Variants in PDE6C observed in about 807,000 individuals in gnomAD.
The protein encoded by PDE6C is phosphodiesterase 6C, also known as cone cGMP-specific 3',5'-cyclic phosphodiesterase subunit alpha'.
Under a neutral mutation model 113.1 loss-of-function variants are expected in PDE6C, and 75 were observed. That is an observed-to-expected ratio of 0.66 (90% CI 0.55 to 0.80). The LOEUF (loss-of-function observed/expected upper bound fraction) is 0.80. PDE6C is among the 30% of genes least tolerant of loss of function. The probability of loss-of-function intolerance (pLI) is 0.00; values close to 1 mark genes in which losing one functional copy is unlikely to be tolerated. For missense variants in PDE6C, 912 were observed against 1,038.6 expected (o/e 0.88, Z 1.67); for synonymous variants, 375 against 363.7 (o/e 1.03, Z -0.35).
At chr10:93,622,639 G>GTTTTTTTTTTTTTTTTTTTT (rs67350128) in intron 4 of PDE6C, among the ~76,000 whole-genome samples, 10 of 113,988 alleles carry the variant, frequency 8.8e-5, no homozygotes, top group African/African-American at 3.0e-4. Context: ...GTAGCCACAG[G>GTTTTTTTTTTTTTTTTTTTT]TTTTTTTTTT....
In PDE6C at chr10:93,620,593, T is replaced by C. The variant is rs778379104; in HGVS notation, c.481-39T>C. 3.1e-6 allele frequency: 5 copies of C among 1,609,650 alleles called. No homozygotes were observed. In the East Asian group the frequency reaches 6.7e-5, roughly 22 times the overall value. Reference sequence around the variant, plus strand: ...ATCCCTAGATCTACCACTCTATGATTTTGTGCCACTTTGACAAATATGTGA... The same window carrying C: ...ATCCCTAGATCTACCACTCTATGATCTTGTGCCACTTTGACAAATATGTGA... On this transcript the variant is annotated intron_variant, in intron 1 of 21. Coordinates refer to ENST00000371447, the MANE Select transcript of PDE6C (RefSeq NM_006204.4).
intron 16 of PDE6C, among the ~76,000 whole-genome samples, chr10:93,657,998 G>C (rs1048594343): frequency 1.3e-5 from 2 of 151,538 alleles, no homozygotes; most frequent in Admixed American, 1.3e-4. Context: ...TAGCAAGACT[G>C]TCTCTACAAA....
At chr10:93,664,587 T>C (rs1378814575) in intron 21 of PDE6C, among the ~76,000 whole-genome samples, 1 of 152,230 alleles carries the variant, frequency 6.6e-6, no homozygotes, top group Non-Finnish European at 1.5e-5. Context: ...AGGGTATTTC[T>C]TAGTACTATT....
chr10:93,623,285 AT>A lies in PDE6C; in HGVS notation c.864+1219del, dbSNP rs2058457424. On this transcript the variant is annotated intron_variant, in intron 4 of 21. Coordinates refer to ENST00000371447, the MANE Select transcript of PDE6C (RefSeq NM_006204.4). ...TCTTCTTAGAGAGATAGCTGCTCAG[AT>A]TTTTTGCCCACATTTTTTTATGTTG... Among the ~76,000 whole-genome samples the A allele has an allele frequency of 5.3e-5, 8 of 152,260 alleles. No individual in the cohort carries two copies. In the South Asian group the frequency reaches 1.7e-3, roughly 32 times the overall value.
Position 93,633,490 on chromosome 10 carries a change from AT to A in PDE6C, c.1120-1267del, listed in dbSNP as rs1453666860. On this transcript the variant is annotated intron_variant, in intron 8 of 21. Transcript: ENST00000371447. ...CAAAAAAAAAAAAAAATAAAAAAAA[AT>A]AAACAAGCTAAAACAAATCTGTTAC... 3.5e-4 allele frequency among the ~76,000 whole-genome samples: 45 copies of A among 129,346 alleles called. 1 individual carries two copies. The highest frequency in any genetic ancestry group is 8.7e-4 in the Admixed American group (10 of 11,542). 84.9% of individuals were successfully genotyped at this position (129,346 alleles called of 152,430 possible).
In PDE6C at chr10:93,629,985, C is replaced by T. The variant is rs573214912; in HGVS notation, c.1119+680C>T. 2.0e-5 allele frequency among the ~76,000 whole-genome samples: 3 copies of T among 152,258 alleles called. No homozygotes were observed. The East Asian group carries it at 5.8e-4, about 29-fold the overall frequency. ...AACAGTTCCTGACACAGCATTCATG[C>T]TCAATAAACGTTCTCTGCATGCATG... On this transcript the variant is annotated intron_variant, in intron 8 of 21. Transcript: ENST00000371447.
At chr10:93,628,339 C>T (rs192955304) in intron 7 of PDE6C, among the ~76,000 whole-genome samples, 1 of 152,000 alleles carries the variant, frequency 6.6e-6, no homozygotes, top group African/African-American at 2.4e-5. Flanking sequence ...AATCGTAGCA[C>T]TTTGGGAGGC....
In PDE6C at chr10:93,620,716, G is replaced by C; in HGVS notation, c.565G>C (p.Glu189Gln). ...LLATPIVVGK[E>Q]VLAVIMAVNK... ...GGCAACCCCGATCGTGGTGGGCAAG[G>C]AGGTTCTTGCTGTGATCATGGCAGT... Residue 189 changes from glutamate to glutamine, a missense_variant, in exon 2 of 22, where the codon GAG becomes CAG. Transcript: ENST00000371447. The C allele has an allele frequency of 6.2e-7, 1 of 1,614,108 alleles. No homozygotes were observed. The highest frequency in any genetic ancestry group is 8.5e-7 in the Non-Finnish European group (1 of 1,179,964).
At chr10:93,641,397 G>A (rs1358882581) in intron 14 of PDE6C, among the ~76,000 whole-genome samples, 1 of 152,078 alleles carries the variant, frequency 6.6e-6, no homozygotes, top group Non-Finnish European at 1.5e-5. Flanking sequence ...CTTTGGGAGA[G>A]TGAGGCGGGC....
chr10:93,617,190 T>C (rs924363290), intron 1 of PDE6C, among the ~76,000 whole-genome samples: 4 of 152,168 alleles, frequency 2.6e-5, no homozygotes, highest in Non-Finnish European at 5.9e-5. Flanking sequence ...CTTCAAGGGC[T>C]TCTCTGAAGA....
chr10:93,662,002 A>G, intron 18 of PDE6C, 57 bp from the exon 19 acceptor site: 1 of 1,049,830 alleles, frequency 9.5e-7, no homozygotes, highest in South Asian at 1.3e-5. Context: ...GTACTAATAA[A>G]ATGCAAGTTC....
chr10:93,662,021 T>C, intron 18 of PDE6C, 38 bp from the exon 19 acceptor site: 1 of 1,263,544 alleles, frequency 7.9e-7, no homozygotes, highest in Non-Finnish European at 1.2e-6. Context: ...TCTCTATTCA[T>C]AAGTGGATTT....
At chr10:93,645,852 T>C (rs1564802681) in intron 14 of PDE6C, 108 bp from the exon 15 acceptor site, 3 of 726,184 alleles carry the variant, frequency 4.1e-6, no homozygotes, top group Non-Finnish European at 7.6e-6. Context: ...ACTTCACAGA[T>C]AATTGAGTGA....
In PDE6C at chr10:93,662,114, T is replaced by C; in HGVS notation, c.2264T>C (p.Val755Ala). 6.2e-7 allele frequency: 1 copy of C among 1,606,596 alleles called. No homozygotes were observed. Among genetic ancestry groups the C allele is most frequent in the East Asian group, 2.2e-5 (1 of 44,810 alleles). The change falls in exon 19 of 22, where the codon GTG becomes GCG. Residue 755 changes from valine (V) to alanine (A), a missense_variant. Coordinates refer to ENST00000371447, the MANE Select transcript of PDE6C (RefSeq NM_006204.4). ...GAACAAGGAGATCTGGAGAGAACAGTGTTGCAGCAACAACCCATTGTAAGA... is the reference window on the plus strand; with the variant it reads ...GAACAAGGAGATCTGGAGAGAACAGCGTTGCAGCAACAACCCATTGTAAGA... ...FWEQGDLERT[V>A]LQQQPIPMMD...
chr10:93,654,799 TTTC>T (rs2058627675), intron 15 of PDE6C, among the ~76,000 whole-genome samples: 1 of 87,908 alleles, frequency 1.1e-5, no homozygotes, highest in Non-Finnish European at 2.5e-5. Context: ...TCTTTCTTTC[TTTC>T]TTTCTTTCTT....
intron 18 of PDE6C, among the ~76,000 whole-genome samples, chr10:93,660,350 A>G (rs891472244): frequency 6.6e-6 from 1 of 152,198 alleles, no homozygotes; most frequent in Non-Finnish European, 1.5e-5. Context: ...ATAGTCATGG[A>G]GAAATAGAAT....
chr10:93,650,579 C>A (rs538252329), intron 15 of PDE6C, among the ~76,000 whole-genome samples: 1 of 152,056 alleles, frequency 6.6e-6, no homozygotes, highest in African/African-American at 2.4e-5. Flanking sequence ...AAGTAGAATC[C>A]CTTTATCTTA....
At chr10:93,665,144 C>T (rs1177052821) in intron 21 of PDE6C, among the ~76,000 whole-genome samples, 1 of 152,204 alleles carries the variant, frequency 6.6e-6, no homozygotes, top group Non-Finnish European at 1.5e-5. Context: ...GCTGGGATTA[C>T]AGGCAGGAGC....
rs1439090938 is a variant in PDE6C, at chr10:93,614,482, ATGCT to A, written c.480+1278_480+1281del. ...GCAGCTGCTTCAAGTGTCTAAATGG[ATGCT>A]CATCCTTAGGGCAAAGTTCTCTAGA... is the stretch of plus-strand genomic sequence containing the variant. On this transcript the variant is annotated intron_variant, in intron 1 of 21. Coordinates refer to ENST00000371447, the MANE Select transcript of PDE6C (RefSeq NM_006204.4). 5.9e-5 allele frequency among the ~76,000 whole-genome samples: 9 copies of A among 152,266 alleles called. No homozygotes were observed. In the South Asian group the frequency reaches 8.3e-4, roughly 14 times the overall value.
Sources: gnomAD v4.1 joint callset for allele counts (sites outside exome capture counted in the v4.1 genomes callset) on GRCh38, gnomAD v4.1.1 for gene constraint, MANE v1.5 for transcripts, NCBI Gene and HGNC (gene_info 2026-07-23, HGNC 2026-07-21) for gene names.